The following XPNPEP2 variants were observed in gnomAD, a reference collection of about 807,000 sequenced individuals.
The protein encoded by XPNPEP2 is xaa-Pro aminopeptidase 2.
Under a neutral mutation model 59.8 loss-of-function variants are expected in XPNPEP2, and 64 were observed. The observed-to-expected ratio is 1.07, with a 90% CI of 0.87 to 1.32. The LOEUF (loss-of-function observed/expected upper bound fraction) is 1.32. XPNPEP2 is among the 40% of genes most tolerant of loss of function. The pLI is 0.00. For missense variants in XPNPEP2, 575 were observed against 546.8 expected, an observed-to-expected ratio of 1.05 and a Z score of -0.51; for synonymous variants, 235 against 210.0, an observed-to-expected ratio of 1.12 and a Z score of -1.03.
At position 129,751,775 on chromosome X, in the gene XPNPEP2, C is replaced by G; in HGVS notation, c.770C>G (p.Pro257Arg). ...WLFNLRASDIPYNPFFYSYTL... is the reference protein window; with the variant it reads ...WLFNLRASDIRYNPFFYSYTL... ...TTCAACCTTCGAGCCAGTGACATCC[C>G]CTATAACCCCTTCTTCTATTCCTAC... The change falls in exon 9 of 21, where the codon CCC becomes CGC. Residue 257 changes from proline (P) to arginine (R), a missense_variant. Pro to Arg is a moderately radical substitution (Grantham distance 103). Coordinates refer to ENST00000371106, the MANE Select transcript of XPNPEP2 (RefSeq NM_003399.6). The G allele has an allele frequency of 8.3e-7, 1 of 1,211,072 alleles. No individual in the cohort carries two copies. Among genetic ancestry groups the G allele is most frequent in the Non-Finnish European group, 1.1e-6 (1 of 895,061 alleles).
chrX:129,747,255 A>G (rs1184627973), intron 6 of XPNPEP2, among the ~76,000 whole-genome samples: 1 of 112,801 alleles, frequency 8.9e-6, no homozygotes, highest in African/African-American at 3.2e-5. Flanking sequence ...TGGCCTGAAC[A>G]TCACCATTCC....
At chrX:129,744,156 G>A in intron 3 of XPNPEP2, 85 bp downstream of exon 3, 2 of 869,827 alleles carry the variant, frequency 2.3e-6, no homozygotes. Context: ...CTCAGAAGAT[G>A]AAGACAGAGA....
chrX:129,746,815 T>C, intron 6 of XPNPEP2, 134 bp downstream of exon 6: 2 of 563,092 alleles, frequency 3.6e-6, no homozygotes, highest in Non-Finnish European at 3.0e-6. Flanking sequence ...GAAATTGTAG[T>C]TGCAGAATGT....
At position 129,739,186 on chromosome X, in the gene XPNPEP2, C is replaced by G; in HGVS notation, c.-28C>G. On this transcript the variant is annotated 5_prime_UTR_variant, in exon 1 of 21. The change creates a new upstream start codon in the 5' untranslated region. Transcript: ENST00000371106. ...CTCCCTCTCTCCCTTGTCCCTCCAT[C>G]CACCCAGCGCCGGCATCTGGAGACC... 2 of 1,203,278 alleles carry G rather than the reference C, an allele frequency of 1.7e-6. No homozygotes were observed. Among genetic ancestry groups the G allele is most frequent in the Non-Finnish European group, 2.2e-6 (2 of 892,311 alleles).
chrX:129,762,703 A>G lies in XPNPEP2; in HGVS notation c.1673A>G (p.Tyr558Cys). 8.3e-7 allele frequency: 1 copy of G among 1,211,619 alleles called. No individual in the cohort carries two copies. Among genetic ancestry groups the G allele is most frequent in the Non-Finnish European group, 1.1e-6 (1 of 895,245 alleles). ...TCTCTGTGTCTCCCAGAACCTGGTT[A>G]CTATAAGGATGGAGAATTTGGGATC... is the stretch of plus-strand genomic sequence containing the variant. The part of the protein sequence containing the change: ...KGMFTSIEPG[Y>C]YKDGEFGIRL... Residue 558 changes from tyrosine (Y) to cysteine (C), a missense_variant, in exon 19 of 21, where the codon TAC becomes TGC. Coordinates refer to ENST00000371106, the MANE Select transcript of XPNPEP2 (RefSeq NM_003399.6).
At chrX:129,745,404 C>A (rs1926275689) in intron 4 of XPNPEP2, 138 bp downstream of exon 4, 3 of 647,605 alleles carry the variant, frequency 4.6e-6, no homozygotes, top group Admixed American at 3.0e-5. Context: ...TCTCTGTCTC[C>A]CTCCACCACC....
At chrX:129,741,558 C>G (rs766837431) in intron 1 of XPNPEP2, among the ~76,000 whole-genome samples, 1 of 112,228 alleles carries the variant, frequency 8.9e-6, no homozygotes, top group Non-Finnish European at 1.9e-5. Flanking sequence ...ATTAATCCAT[C>G]TTTCCCCACC....
At chrX:129,765,641 T>TC (rs1360701935) in intron 19 of XPNPEP2, among the ~76,000 whole-genome samples, 15 of 95,204 alleles carry the variant, frequency 1.6e-4, no homozygotes, top group African/African-American at 5.8e-4. Context: ...CTTTCTTTTT[T>TC]TTTTTTTTTT....
At chrX:129,739,463 C>T (rs1287378410) in intron 1 of XPNPEP2, among the ~76,000 whole-genome samples, 1 of 111,484 alleles carries the variant, frequency 9.0e-6, no homozygotes, top group African/African-American at 3.3e-5. Flanking sequence ...CCATTCCCCC[C>T]GTTATAGAAA....
chrX:129,751,111 C>G (rs1038661255), intron 8 of XPNPEP2, among the ~76,000 whole-genome samples: 40 of 86,757 alleles, frequency 4.6e-4, no homozygotes, highest in East Asian at 1.1e-3. Context: ...CCCACCCCCC[C>G]CCCCCGGCAA....
At chrX:129,766,084 T>C (rs1017606754) in intron 19 of XPNPEP2, among the ~76,000 whole-genome samples, 3 of 112,448 alleles carry the variant, frequency 2.7e-5, no homozygotes, top group African/African-American at 9.7e-5. Flanking sequence ...TAAAAGCTCA[T>C]GGTAAATATG....
At chrX:129,740,902 A>C (rs1926164392) in intron 1 of XPNPEP2, among the ~76,000 whole-genome samples, 1 of 100,251 alleles carries the variant, frequency 1.0e-5, no homozygotes, top group South Asian at 5.7e-4. Flanking sequence ...AGATCGCCCC[A>C]CTGCACTCCA....
rs772309488 is a variant in XPNPEP2, at chrX:129,752,049, G to T, written c.822-101G>T. On this transcript the variant is annotated intron_variant, in intron 9 of 20. Coordinates refer to ENST00000371106, the MANE Select transcript of XPNPEP2 (RefSeq NM_003399.6). ...TGGCCTGCTTGGCTCCCTGGGGCTGGCTTCCTTTGACCTCCAGGAACAGAG... is the reference window on the plus strand; with the variant it reads ...TGGCCTGCTTGGCTCCCTGGGGCTGTCTTCCTTTGACCTCCAGGAACAGAG... 16 of 1,026,931 alleles carry T rather than the reference G, an allele frequency of 1.6e-5. No individual in the cohort carries two copies. The African/African-American group carries it at 2.3e-4, about 15-fold the overall frequency. The allele number at this position is 1,026,931 out of a possible 1,213,427, so 84.6% of individuals were successfully genotyped here. A position where few individuals can be genotyped will look rare whatever the true frequency, so the allele number is the denominator to read the frequency against.
intron 7 of XPNPEP2, among the ~76,000 whole-genome samples, chrX:129,750,148 C>A (rs1926364140): frequency 8.9e-6 from 1 of 112,653 alleles, no homozygotes; most frequent in African/African-American, 3.2e-5. Context: ...TTAATTCATT[C>A]CATCCTCATA....
chrX:129,754,646 G>A, intron 12 of XPNPEP2, 65 bp downstream of exon 12: 2 of 1,013,834 alleles, frequency 2.0e-6, no homozygotes, highest in Non-Finnish European at 2.7e-6. Context: ...GGCAGGGAGG[G>A]GGAATTTGTC....
Position 129,761,277 on chromosome X carries a change from G to A in XPNPEP2, c.1603+1G>A, listed in dbSNP as rs753900642. On this transcript the variant is annotated splice_donor_variant, in intron 17 of 20. Coordinates refer to ENST00000371106, the MANE Select transcript of XPNPEP2 (RefSeq NM_003399.6). LOFTEE classifies it high-confidence loss of function. ...GGCAACTTCCTGTGTGTGCATGAGT[G>A]TAGGTGTCTCCTCAGCACTCCCCAG... is the stretch of plus-strand genomic sequence containing the variant. 45 of 1,202,553 alleles carry A rather than the reference G, an allele frequency of 3.7e-5. No homozygotes were observed. The highest frequency in any genetic ancestry group is 8.9e-5 in the East Asian group (3 of 33,735).
chrX:129,760,252 T>C (rs1483812475), intron 15 of XPNPEP2, among the ~76,000 whole-genome samples: 1 of 112,381 alleles, frequency 8.9e-6, no homozygotes, highest in Non-Finnish European at 1.9e-5. Flanking sequence ...ACCAAGTGTC[T>C]CCTGCAGATA....
intron 20 of XPNPEP2, 65 bp from the exon 21 acceptor site, chrX:129,768,226 T>G (rs1926788075): frequency 9.3e-7 from 1 of 1,073,257 alleles, no homozygotes; most frequent in Non-Finnish European, 1.2e-6. Context: ...GGACTGGGCG[T>G]CACCAAGACT....
chrX:129,760,378 C>T (rs762141932), intron 15 of XPNPEP2, 134 bp from the exon 16 acceptor site: 78 of 638,473 alleles, frequency 1.2e-4, no homozygotes, highest in South Asian at 1.9e-4. Context: ...CCACACATAA[C>T]GATGAGACTC....
Sources: gnomAD v4.1 joint callset for allele counts (sites outside exome capture counted in the v4.1 genomes callset) on GRCh38, gnomAD v4.1.1 for gene constraint, MANE v1.5 for transcripts, NCBI Gene and HGNC (gene_info 2026-07-23, HGNC 2026-07-21) for gene names.